Variants in KIF1B observed in about 807,000 individuals in gnomAD.
KIF1B encodes the protein kinesin-like protein KIF1B.
Under a neutral mutation model 241.9 loss-of-function variants are expected in KIF1B, and 76 were observed. The ratio of observed to expected loss-of-function variants is 0.31; its 90% CI spans 0.26 to 0.38. KIF1B has a LOEUF of 0.38. Among genes scored for constraint, KIF1B ranks in the 10% least tolerant of loss-of-function variants. KIF1B has a pLI of 1.00. For missense variants in KIF1B, 1,622 were observed against 2,271.4 expected (o/e 0.71, Z 5.81); for synonymous variants, 750 against 796.7 (o/e 0.94, Z 0.99).
chr1:10,303,046 C>G lies in KIF1B; in HGVS notation c.2115+5800C>G. 7.8e-7 allele frequency: 1 copy of G among 1,275,414 alleles called. No homozygotes were observed. 79.0% of individuals were successfully genotyped at this position (1,275,414 alleles called of 1,614,324 possible). On this transcript the variant is annotated intron_variant, in intron 22 of 48. Transcript: ENST00000676179. The surrounding 1 kb of genome is among the most constrained non-coding windows in gnomAD (Gnocchi z 5.2). ...TGTTTTGTTTTTTAGTTTTTTTGGTCTTATTTTTAAATTTGGTTAAGGCTT... is the reference window on the plus strand; with the variant it reads ...TGTTTTGTTTTTTAGTTTTTTTGGTGTTATTTTTAAATTTGGTTAAGGCTT...
At chr1:10,287,322 A>G (rs1029902945) in intron 15 of KIF1B, among the ~76,000 whole-genome samples, 2 of 152,030 alleles carry the variant, frequency 1.3e-5, no homozygotes, top group African/African-American at 2.4e-5. Context: ...TCAGCCTCCC[A>G]AGTAACTGGG....
At chr1:10,255,114 A>G (rs1647701253) in intron 2 of KIF1B, among the ~76,000 whole-genome samples, 1 of 151,790 alleles carries the variant, frequency 6.6e-6, no homozygotes. Context: ...ATTTCTGGCT[A>G]ATTTTTGTGT....
In KIF1B at chr1:10,296,640, G is replaced by A. The variant is rs370014452; in HGVS notation, c.1836G>A (p.Val612=). 1.1e-5 allele frequency: 18 copies of A among 1,613,894 alleles called. No homozygotes were observed. In the East Asian group the frequency reaches 3.1e-4, roughly 28 times the overall value. Residue 612 remains valine, a synonymous_variant, in exon 20 of 49, where the codon GTG becomes GTA. Transcript: ENST00000676179. ...AAACCTACGTAAATGGCAAGAGGGTGTCCCAGCCTGTTCAGCTGCGCTCAG... is the reference window on the plus strand; with the variant it reads ...AAACCTACGTAAATGGCAAGAGGGTATCCCAGCCTGTTCAGCTGCGCTCAG... The part of the protein sequence containing the change: ...RSETYVNGKR[V]SQPVQLRSGN...
Position 10,296,571 on chromosome 1 carries a change from G to A in KIF1B, c.1778-11G>A, listed in dbSNP as rs775644032. 2 of 1,607,698 alleles carry A rather than the reference G, an allele frequency of 1.2e-6. No individual in the cohort carries two copies. The highest frequency in any genetic ancestry group is 2.7e-5 in the African/African-American group (2 of 74,744). On this transcript the variant is annotated splice_polypyrimidine_tract_variant and intron_variant, in intron 19 of 48. Transcript: ENST00000676179. The stretch of plus-strand genomic sequence containing the variant: ...GTAATGATAACATTAGTTTGTGTTT[G>A]TTCCTCTTAGTTATCGTGACCTTAG...
Position 10,379,714 on chromosome 1 carries a change from C to T in KIF1B, c.*3127C>T, listed in dbSNP as rs1225961579. On this transcript the variant is annotated 3_prime_UTR_variant, in exon 49 of 49. Coordinates refer to ENST00000676179, the MANE Select transcript of KIF1B (RefSeq NM_001365951.3). ...TGCTAGTTAATACTAATCACCTCCT[C>T]CTCTGTCTCTCATCCTCCTTTCTCC... 1.7e-5 allele frequency: 4 copies of T among 231,288 alleles called. No homozygotes were observed. The highest frequency in any genetic ancestry group is 1.8e-4 in the South Asian group (1 of 5,516). 14.3% of individuals were successfully genotyped at this position (231,288 alleles called of 1,614,324 possible).
chr1:10,219,674 C>T (rs904469190), intron 1 of KIF1B, among the ~76,000 whole-genome samples: 1 of 151,980 alleles, frequency 6.6e-6, no homozygotes, highest in Non-Finnish European at 1.5e-5. Context: ...AGGAGAATCA[C>T]TTGAACTCAG....
Position 10,326,332 on chromosome 1 carries a change from G to A in KIF1B, c.2897G>A (p.Arg966Gln), listed in dbSNP as rs757199221. ...GACGGGCATGACCCGTTTTACGACC[G>A]ATCCCCTTGGTTCATTTTAGTGGGA... is the stretch of plus-strand genomic sequence containing the variant. ...FSDGHDPFYD[R>Q]SPWFILVGRA... is the part of the protein sequence containing the mutation. The change falls in exon 27 of 49, where the codon CGA becomes CAA. Residue 966 changes from arginine (R) to glutamine (Q), a missense_variant. This residue lies in a region of KIF1B where 803 missense variants were observed against 1,112.0 expected (regional missense o/e 0.72). Coordinates refer to ENST00000676179, the MANE Select transcript of KIF1B (RefSeq NM_001365951.3). This position sits in a 1 kb window ranked among gnomAD's most constrained non-coding sequence, Gnocchi z 5.2. The A allele has an allele frequency of 1.2e-6, 2 of 1,614,062 alleles. No individual in the cohort carries two copies. Among genetic ancestry groups the A allele is most frequent in the African/African-American group, 1.3e-5 (1 of 74,894 alleles).
chr1:10,342,540 G>C (rs1193169673), intron 33 of KIF1B, among the ~76,000 whole-genome samples: 1 of 152,106 alleles, frequency 6.6e-6, no homozygotes. Context: ...AGCAACAGTG[G>C]GCCTTTCTGA....
intron 8 of KIF1B, 50 bp downstream of exon 8, chr1:10,271,629 GT>G: frequency 8.2e-7 from 1 of 1,222,744 alleles, no homozygotes; most frequent in Non-Finnish European, 1.2e-6. Context: ...GCCACTACCT[GT>G]TTTTGTAAAT....
Position 10,303,435 on chromosome 1 carries a change from T to C in KIF1B, c.2115+6189T>C, listed in dbSNP as rs777295140. The C allele has an allele frequency of 2.5e-6, 4 of 1,614,122 alleles. No homozygotes were observed. Among genetic ancestry groups the C allele is most frequent in the Non-Finnish European group, 3.4e-6 (4 of 1,180,050 alleles). Reference sequence around the variant, plus strand: ...AGATTTGCTATGAGGTTGCTCTCAATGACTTCAGGCACAGTCGGCAGGAGA... The same window carrying C: ...AGATTTGCTATGAGGTTGCTCTCAACGACTTCAGGCACAGTCGGCAGGAGA... On this transcript the variant is annotated intron_variant, in intron 22 of 48. Transcript: ENST00000676179. The surrounding 1 kb of genome is among the most constrained non-coding windows in gnomAD (Gnocchi z 5.2).
chr1:10,372,692 C>T (rs1402604856), intron 45 of KIF1B, among the ~76,000 whole-genome samples: 2 of 130,648 alleles, frequency 1.5e-5, no homozygotes, highest in African/African-American at 5.5e-5. Flanking sequence ...CGCAGCGGCG[C>T]AATCTCGGCT....
intron 22 of KIF1B, chr1:10,304,345 C>G (rs1650710858): frequency 6.2e-7 from 1 of 1,614,224 alleles, no homozygotes; most frequent in Non-Finnish European, 8.5e-7. Context: ...AAGCAATTCT[C>G]TCAATAATGG....
At chr1:10,212,873 T>A (rs1404531829) in intron 1 of KIF1B, among the ~76,000 whole-genome samples, 1 of 138,608 alleles carries the variant, frequency 7.2e-6, no homozygotes, top group Non-Finnish European at 1.5e-5. Context: ...TATATGTGTG[T>A]GTGTGCATGC....
intron 22 of KIF1B, among the ~76,000 whole-genome samples, chr1:10,314,320 G>T (rs940790366): frequency 3.3e-5 from 5 of 151,564 alleles, no homozygotes; most frequent in African/African-American, 1.2e-4. Flanking sequence ...TTAAAAGCTC[G>T]TAAGTAGCCT....
intron 1 of KIF1B, among the ~76,000 whole-genome samples, chr1:10,228,491 T>C (rs1410815740): frequency 2.0e-5 from 3 of 152,176 alleles, no homozygotes; most frequent in Non-Finnish European, 4.4e-5. Context: ...AAGTCATGCT[T>C]TAGAGGGGTT....
At chr1:10,348,843 A>G (rs76892482) in intron 37 of KIF1B, 110 bp downstream of exon 37, 19,128 of 792,090 alleles carry the variant, frequency 0.024, 305 homozygotes, top group African/African-American at 0.038. Flanking sequence ...TGATGAGATC[A>G]TAGCTCCCTG....
At chr1:10,315,826 C>T (rs1048714210) in intron 22 of KIF1B, among the ~76,000 whole-genome samples, 6 of 151,134 alleles carry the variant, frequency 4.0e-5, no homozygotes, top group Admixed American at 2.0e-4. Flanking sequence ...GAGGCCGAGA[C>T]GGGTGGATCA....
At chr1:10,222,186 G>T (rs1226905780) in intron 1 of KIF1B, among the ~76,000 whole-genome samples, 1 of 152,212 alleles carries the variant, frequency 6.6e-6, no homozygotes, top group Non-Finnish European at 1.5e-5. Context: ...AAAGCAGACG[G>T]ATATTAAGAA....
chr1:10,367,760 T>TA (rs1219825286), intron 43 of KIF1B, among the ~76,000 whole-genome samples: 1 of 151,510 alleles, frequency 6.6e-6, no homozygotes, highest in African/African-American at 2.4e-5. Context: ...GATGGAGTCT[T>TA]ACTCTGCTGC....
Sources: allele counts gnomAD v4.1 joint callset (sites outside exome capture counted in the v4.1 genomes callset), GRCh38; gene constraint gnomAD v4.1.1; regional missense constraint gnomAD v4.1.1; non-coding constraint Gnocchi (gnomAD v3.1); transcripts MANE v1.5; gene names NCBI Gene and HGNC (gene_info 2026-07-23, HGNC 2026-07-21).